Variants in TSPAN19 observed in about 807,000 individuals in gnomAD.
The protein encoded by TSPAN19 is tetraspanin 19.
A neutral mutation model predicts 35.1 loss-of-function variants in TSPAN19; 44 were observed. That is an observed-to-expected ratio of 1.25 (90% CI 0.98 to 1.61). The LOEUF (loss-of-function observed/expected upper bound fraction) is 1.61. TSPAN19 is among the 40% of genes most tolerant of loss of function. The pLI is 0.00. For synonymous variants in TSPAN19, 79 were observed against 92.0 expected (o/e 0.86, Z 0.81); for missense variants, 290 against 280.0 (o/e 1.04, Z -0.26).
At position 85,032,536 on chromosome 12, in the gene TSPAN19, T is replaced by C. The variant is rs549641564; in HGVS notation, c.-27-2563A>G. Reference sequence around the variant, plus strand: ...TGGTAAGGAAGATGTTTATGGTAATTTCAAAACTGTGGTTCAAGGTTACAA... The same window carrying C: ...TGGTAAGGAAGATGTTTATGGTAATCTCAAAACTGTGGTTCAAGGTTACAA... On this transcript the variant is annotated intron_variant, in intron 1 of 8. Transcript: ENST00000532498. Among the ~76,000 whole-genome samples the C allele has an allele frequency of 5.9e-5, 9 of 152,186 alleles. No homozygotes were observed. The East Asian group carries it at 1.5e-3, about 26-fold the overall frequency.
chr12:85,021,479 G>C (rs556915545), intron 5 of TSPAN19, among the ~76,000 whole-genome samples: 46 of 152,132 alleles, frequency 3.0e-4, no homozygotes, highest in Non-Finnish European at 4.3e-4. Context: ...TAGTGCTGTT[G>C]AGAGTGTGTT....
rs1402792300 is a variant in TSPAN19, at chr12:85,014,507, T to C, written c.727A>G (p.Ile243Val). Reference protein sequence around the residue: ...TVCFFKNIKNIIHAEM With the variant: ...TVCFFKNIKNVIHAEM ...AAAGGTCACATTTCTGCATGGATTA[T>C]ATTCTTGATGTTTTTGAAGAAACAA... Residue 243 changes from isoleucine to valine, a missense_variant, in exon 9 of 9, where the codon ATA becomes GTA. By Grantham distance (29) the Ile-to-Val change is conservative. Transcript: ENST00000532498. The C allele has an allele frequency of 4.4e-6, 7 of 1,604,844 alleles. No homozygotes were observed. The highest frequency in any genetic ancestry group is 1.7e-6 in the Non-Finnish European group (2 of 1,174,862).
rs1332531947 is a variant in TSPAN19 at position 85,029,872 on chromosome 12, G to T, written c.66+9C>A. The T allele has an allele frequency of 5.3e-6, 8 of 1,497,758 alleles. No homozygotes were observed. The highest frequency in any genetic ancestry group is 7.2e-6 in the Non-Finnish European group (8 of 1,107,272). The allele number at this position is 1,497,758 out of a possible 1,614,324, so 92.8% of individuals were successfully genotyped here. ...ATTTTCTTTACTGTATAATTATGAAGATTCTTACCAAGAAAGCTCCATTAA... is the reference window on the plus strand; with the variant it reads ...ATTTTCTTTACTGTATAATTATGAATATTCTTACCAAGAAAGCTCCATTAA... On this transcript the variant is annotated intron_variant, in intron 2 of 8. Coordinates refer to ENST00000532498, the MANE Select transcript of TSPAN19 (RefSeq NM_001100917.2).
chr12:85,019,777 G>C (rs772750191), intron 5 of TSPAN19, 41 bp from the exon 6 acceptor site: 1 of 1,159,712 alleles, frequency 8.6e-7, no homozygotes, highest in Non-Finnish European at 1.2e-6. Context: ...TCATAGGAAT[G>C]TATCCATAAA....
chr12:85,032,412 T>C (rs745844408), intron 1 of TSPAN19, among the ~76,000 whole-genome samples: 1 of 152,086 alleles, frequency 6.6e-6, no homozygotes, highest in African/African-American at 2.4e-5. Flanking sequence ...TGGAAACCAA[T>C]AGAGAAAGAC....
At chr12:85,022,657 T>C (rs1056460363) in intron 5 of TSPAN19, among the ~76,000 whole-genome samples, 13 of 152,130 alleles carry the variant, frequency 8.5e-5, no homozygotes, top group African/African-American at 3.1e-4. Flanking sequence ...CTGTATGACT[T>C]CAAGTACATG....
Position 85,029,913 on chromosome 12 carries a change from A to C in TSPAN19, c.34T>G (p.Tyr12Asp). 6.8e-7 allele frequency: 1 copy of C among 1,461,662 alleles called. No homozygotes were observed. 90.5% of individuals were successfully genotyped at this position (1,461,662 alleles called of 1,614,324 possible). Residue 12 changes from tyrosine to aspartate, a missense_variant, in exon 2 of 9, where the codon TAC (tyrosine) becomes GAC (aspartate). Physicochemically the swap from Tyr to Asp is radical, Grantham distance 160. Transcript: ENST00000532498. Reference sequence around the variant, plus strand: ...GCTCCATTAATGAGATTAAGAAAGTACTTAATAATTATTGTTTTGTTATTT... The same window carrying C: ...GCTCCATTAATGAGATTAAGAAAGTCCTTAATAATTATTGTTTTGTTATTT... ...LRNNKTIIIK[Y>D]FLNLINGAFL...
At chr12:85,017,747 CTTGT>C (rs1876896764) in intron 6 of TSPAN19, 148 bp from the exon 7 acceptor site, 1 of 599,854 alleles carries the variant, frequency 1.7e-6, no homozygotes, top group Admixed American at 3.6e-5. Context: ...TATATCTGTG[CTTGT>C]TTAATTCATT....
At chr12:85,017,390 A>G in intron 7 of TSPAN19, 66 bp downstream of exon 7, 1 of 1,445,712 alleles carries the variant, frequency 6.9e-7, no homozygotes, top group Non-Finnish European at 9.3e-7. Context: ...CAGAATTCTA[A>G]ATTGACTTGC....
At chr12:85,033,623 C>T (rs770476956) in intron 1 of TSPAN19, among the ~76,000 whole-genome samples, 2 of 152,034 alleles carry the variant, frequency 1.3e-5, no homozygotes, top group Non-Finnish European at 2.9e-5. Context: ...TTCCCTTTAT[C>T]GTCGATATTT....
At position 85,014,659 on chromosome 12, in the gene TSPAN19, A is replaced by G. The variant is rs1592656210; in HGVS notation, c.679-104T>C. ...ACCAAAATGCGTATTGTAAAGGGAAAAGGGATCAAAACTGGTGAGAAAATT... is the reference window on the plus strand; with the variant it reads ...ACCAAAATGCGTATTGTAAAGGGAAGAGGGATCAAAACTGGTGAGAAAATT... On this transcript the variant is annotated intron_variant, in intron 8 of 8. Coordinates refer to ENST00000532498, the MANE Select transcript of TSPAN19 (RefSeq NM_001100917.2). The G allele has an allele frequency of 8.9e-6, 7 of 789,456 alleles. No homozygotes were observed. The East Asian group carries it at 1.9e-4, about 22-fold the overall frequency. The allele number at this position is 789,456 out of a possible 1,614,324, so 48.9% of individuals were successfully genotyped here. A position where few individuals can be genotyped will look rare whatever the true frequency, so the allele number is the denominator to read the frequency against.
At chr12:85,031,210 G>A (rs940944159) in intron 1 of TSPAN19, among the ~76,000 whole-genome samples, 3 of 152,034 alleles carry the variant, frequency 2.0e-5, no homozygotes, top group East Asian at 1.9e-4. Context: ...GCTGTCATTT[G>A]TTTTTTCTAC....
In TSPAN19 at chr12:85,019,664, T is replaced by C; in HGVS notation, c.412A>G (p.Ile138Val). 6.2e-7 allele frequency: 1 copy of C among 1,609,828 alleles called. No individual in the cohort carries two copies. Among genetic ancestry groups the C allele is most frequent in the Non-Finnish European group, 8.5e-7 (1 of 1,177,458 alleles). ...GCATTCAGAATAGTCCACTTGGTTA[T>C]ATCTTCAGGCTTATCTTTAGATCCA... ...EYGSKDKPED[I>V]TKWTILNALQ... The change falls in exon 6 of 9, where the codon ATA becomes GTA. Residue 138 changes from isoleucine to valine, a missense_variant. Physicochemically the swap from Ile to Val is conservative, Grantham distance 29. Coordinates refer to ENST00000532498, the MANE Select transcript of TSPAN19 (RefSeq NM_001100917.2).
At chr12:85,023,909 G>A (rs1052981592) in intron 4 of TSPAN19, among the ~76,000 whole-genome samples, 3 of 151,804 alleles carry the variant, frequency 2.0e-5, no homozygotes, top group Non-Finnish European at 4.4e-5. Context: ...ACATTTATTA[G>A]ACTATTTAAT....
chr12:85,036,216 G>T lies in TSPAN19; in HGVS notation c.-40C>A, dbSNP rs528384861. The T allele has an allele frequency of 1.3e-5, 2 of 152,130 alleles. No homozygotes were observed. The highest frequency in any genetic ancestry group is 4.8e-5 in the African/African-American group (2 of 41,440). 9.4% of individuals were successfully genotyped at this position (152,130 alleles called of 1,614,324 possible). The stretch of plus-strand genomic sequence containing the variant: ...TATTAAAATCTACCTGTAAAAAACC[G>T]TAAGCTCCTCATCCAGTCCCTGAAA... On this transcript the variant is annotated 5_prime_UTR_variant, in exon 1 of 9. Coordinates refer to ENST00000532498, the MANE Select transcript of TSPAN19 (RefSeq NM_001100917.2).
intron 5 of TSPAN19, among the ~76,000 whole-genome samples, chr12:85,021,640 G>A (rs573363321): frequency 1.3e-5 from 2 of 152,114 alleles, no homozygotes; most frequent in Admixed American, 1.3e-4. Flanking sequence ...ACTCAAATTT[G>A]GTAAGCATCT....
At chr12:85,019,818 G>GTA in intron 5 of TSPAN19, 82 bp from the exon 6 acceptor site, 2 of 651,978 alleles carry the variant, frequency 3.1e-6, no homozygotes, top group Non-Finnish European at 5.3e-6. Context: ...TTCCTCAAGA[G>GTA]TACCATCATG....
At chr12:85,032,012 C>A (rs1877708469) in intron 1 of TSPAN19, among the ~76,000 whole-genome samples, 1 of 151,788 alleles carries the variant, frequency 6.6e-6, no homozygotes, top group African/African-American at 2.4e-5. Context: ...GGAAAAGAAT[C>A]AAAGACAATC....
At chr12:85,027,093 A>G (rs1877452553) in intron 4 of TSPAN19, among the ~76,000 whole-genome samples, 1 of 152,114 alleles carries the variant, frequency 6.6e-6, no homozygotes, top group Non-Finnish European at 1.5e-5. Context: ...ATGTATGGTA[A>G]TTGGCTCATG....
Sources: gnomAD v4.1 joint callset for allele counts (sites outside exome capture counted in the v4.1 genomes callset) on GRCh38, gnomAD v4.1.1 for gene constraint, MANE v1.5 for transcripts, NCBI Gene and HGNC (gene_info 2026-07-23, HGNC 2026-07-21) for gene names.